Variants in MCM6 observed in about 807,000 individuals in gnomAD.
MCM6 encodes the protein DNA replication licensing factor MCM6.
In MCM6, 46 loss-of-function variants were observed where a neutral mutation model predicts 94.3. That is an observed-to-expected ratio of 0.49 (90% CI 0.39 to 0.62). MCM6 has a LOEUF of 0.62. MCM6 is among the 20% of genes least tolerant of loss of function. The pLI is 0.00. For synonymous variants in MCM6, 335 were observed against 351.9 expected, an observed-to-expected ratio of 0.95 and a Z score of 0.54; for missense variants, 865 against 1,017.9, an observed-to-expected ratio of 0.85 and a Z score of 2.04.
chr2:135,851,507 T>G lies in MCM6; in HGVS notation c.1812A>C (p.Arg604Ser). 1 of 1,613,438 alleles carries G rather than the reference T, an allele frequency of 6.2e-7. No individual in the cohort carries two copies. Among genetic ancestry groups the G allele is most frequent in the Non-Finnish European group, 8.5e-7 (1 of 1,179,780 alleles). The stretch of plus-strand genomic sequence containing the variant: ...AAGACTTGGTCACTCCAGAACCATC[T>G]CTCTGGCGGAGATGTTTATATTGCT... ...IVEQYKHLRQRDGSGVTKSSW... is the reference protein window; with the variant it reads ...IVEQYKHLRQSDGSGVTKSSW... The change falls in exon 13 of 17, where the codon AGA becomes AGC. Residue 604 changes from arginine (R) to serine (S), a missense_variant. Physicochemically the swap from Arg to Ser is moderately radical, Grantham distance 110 (BLOSUM62 -1). Coordinates refer to ENST00000264156, the MANE Select transcript of MCM6 (RefSeq NM_005915.6).
intron 13 of MCM6, among the ~76,000 whole-genome samples, chr2:135,849,192 C>T (rs573732635): frequency 9.2e-5 from 14 of 152,208 alleles, no homozygotes; most frequent in South Asian, 4.1e-4. Context: ...ATTTCTCTGG[C>T]GAATGAAATG....
At position 135,848,004 on chromosome 2, in the gene MCM6, A is replaced by G. The variant is rs180864520; in HGVS notation, c.2053+49T>C. On this transcript the variant is annotated intron_variant, in intron 14 of 16. Transcript: ENST00000264156. ...ACTTCTACCACATGACATCTCAGAAAATGTTTTGGTCCCTAACTCCAAAAC... is the reference window on the plus strand; with the variant it reads ...ACTTCTACCACATGACATCTCAGAAGATGTTTTGGTCCCTAACTCCAAAAC... The G allele has an allele frequency of 8.2e-5, 123 of 1,504,194 alleles. No individual in the cohort carries two copies. In the African/African-American group the frequency reaches 1.7e-3, roughly 20 times the overall value. 93.2% of individuals were successfully genotyped at this position (1,504,194 alleles called of 1,614,324 possible).
chr2:135,847,910 A>T lies in MCM6; in HGVS notation c.2053+143T>A, dbSNP rs1679701738. On this transcript the variant is annotated intron_variant, in intron 14 of 16. Transcript: ENST00000264156. Reference sequence around the variant, plus strand: ...TATTTAATTTCATTTTAACTTGTAAACAGTGAATAGAATTCAGTATCTGCT... The same window carrying T: ...TATTTAATTTCATTTTAACTTGTAATCAGTGAATAGAATTCAGTATCTGCT... The T allele has an allele frequency of 1.2e-5, 7 of 588,904 alleles. No homozygotes were observed. The South Asian group carries it at 1.9e-4, about 16-fold the overall frequency. 36.5% of individuals were successfully genotyped at this position (588,904 alleles called of 1,614,324 possible). A position where few individuals can be genotyped will look rare whatever the true frequency, so the allele number is the denominator to read the frequency against.
intron 2 of MCM6, 112 bp downstream of exon 2, chr2:135,872,585 T>C: frequency 8.8e-7 from 1 of 1,135,282 alleles, no homozygotes; most frequent in Non-Finnish European, 1.3e-6. Context: ...CAGTGGGAAA[T>C]AACTGTGAAA....
intron 11 of MCM6, among the ~76,000 whole-genome samples, chr2:135,856,272 G>A (rs4988216): frequency 1.2e-4 from 18 of 152,170 alleles, no homozygotes; most frequent in African/African-American, 3.9e-4. Context: ...GTGAGACCCT[G>A]TCTGTACTAA....
At chr2:135,854,973 G>T (rs1575361737) in intron 11 of MCM6, among the ~76,000 whole-genome samples, 1 of 151,968 alleles carries the variant, frequency 6.6e-6, no homozygotes, top group African/African-American at 2.4e-5. Context: ...TGGCCAACAT[G>T]GTGAAACCCT....
intron 8 of MCM6, among the ~76,000 whole-genome samples, chr2:135,860,857 A>G (rs937291098): frequency 2.9e-4 from 44 of 152,336 alleles, no homozygotes; most frequent in African/African-American, 1.1e-3. Context: ...TCTATTCAAC[A>G]TTATACTGAT....
chr2:135,871,097 T>G (rs2105592473), intron 2 of MCM6, among the ~76,000 whole-genome samples: 1 of 152,244 alleles, frequency 6.6e-6, no homozygotes, highest in South Asian at 2.1e-4. Flanking sequence ...ATTTGTGCAC[T>G]AATGTGAGAA....
At position 135,858,753 on chromosome 2, in the gene MCM6, C is replaced by T. The variant is rs4988203; in HGVS notation, c.1362+548G>A. 8.5e-3 allele frequency among the ~76,000 whole-genome samples: 1,299 copies of T among 152,292 alleles called. 94 individuals carry two copies. In the East Asian group the frequency reaches 0.18, roughly 21 times the overall value. Reference sequence around the variant, plus strand: ...GTGTCAACTCAGGATTGATTTTATACCTATAACTTATATACACATCTACCG... The same window carrying T: ...GTGTCAACTCAGGATTGATTTTATATCTATAACTTATATACACATCTACCG... On this transcript the variant is annotated intron_variant, in intron 9 of 16. Coordinates refer to ENST00000264156, the MANE Select transcript of MCM6 (RefSeq NM_005915.6).
chr2:135,849,232 G>T (rs1230803390), intron 13 of MCM6, among the ~76,000 whole-genome samples: 1 of 152,136 alleles, frequency 6.6e-6, no homozygotes, highest in Non-Finnish European at 1.5e-5. Flanking sequence ...GATAGAAGGG[G>T]GAGAAAGCAC....
intron 2 of MCM6, among the ~76,000 whole-genome samples, chr2:135,870,754 G>A (rs1680185685): frequency 6.6e-6 from 1 of 152,064 alleles, no homozygotes; most frequent in Non-Finnish European, 1.5e-5. Flanking sequence ...CAATTTCTTT[G>A]GTTTCATTCT....
intron 14 of MCM6, 59 bp from the exon 15 acceptor site, chr2:135,846,451 A>G (rs546459573): frequency 2.2e-6 from 3 of 1,390,192 alleles, no homozygotes; most frequent in Admixed American, 1.7e-5. Context: ...CCCCTTGTCA[A>G]GCATTTACAA....
At chr2:135,858,887 G>T (rs534436929) in intron 9 of MCM6, among the ~76,000 whole-genome samples, 169 of 151,748 alleles carry the variant, frequency 1.1e-3, no homozygotes, top group Non-Finnish European at 1.3e-3. Context: ...AGAATGCTGG[G>T]TTTTTTTTGT....
At chr2:135,867,468 C>A (rs1027592010) in intron 4 of MCM6, among the ~76,000 whole-genome samples, 3 of 151,978 alleles carry the variant, frequency 2.0e-5, no homozygotes, top group African/African-American at 7.3e-5. Context: ...TTATAAGCTA[C>A]CAGGTTAATG....
chr2:135,859,545 A>G (rs1679949145), intron 8 of MCM6, 103 bp from the exon 9 acceptor site: 1 of 725,952 alleles, frequency 1.4e-6, no homozygotes, highest in Non-Finnish European at 2.2e-6. Flanking sequence ...AACATTTGAG[A>G]GCTTAAGCAA....
intron 8 of MCM6, among the ~76,000 whole-genome samples, chr2:135,859,988 G>A (rs528339433): frequency 1.1e-4 from 16 of 152,120 alleles, no homozygotes; most frequent in Middle Eastern, 6.8e-3. Context: ...ATTTTTAGTA[G>A]AGATGGGGTT....
At chr2:135,849,351 T>C (rs1031807288) in intron 13 of MCM6, among the ~76,000 whole-genome samples, 1 of 152,200 alleles carries the variant, frequency 6.6e-6, no homozygotes, top group African/African-American at 2.4e-5. Context: ...GGTGAGTCCC[T>C]TGATGACCTA....
chr2:135,846,289 C>G lies in MCM6; in HGVS notation c.2157G>C (p.Glu719Asp), dbSNP rs1450829694. 1.2e-6 allele frequency: 2 copies of G among 1,614,128 alleles called. No individual in the cohort carries two copies. The highest frequency in any genetic ancestry group is 1.7e-6 in the Non-Finnish European group (2 of 1,180,016). ...CAATAAGGTTAGAGATTCGGCAGTA[C>G]TCAGAGAAGCCCAGCCTTAAGGAGG... ...PKASLRLGFS[E>D]YCRISNLIVL... The change falls in exon 15 of 17, where the codon GAG becomes GAC. Residue 719 changes from glutamate (E) to aspartate (D), a missense_variant. Physicochemically the swap from Glu to Asp is conservative, Grantham distance 45. Coordinates refer to ENST00000264156, the MANE Select transcript of MCM6 (RefSeq NM_005915.6).
chr2:135,876,010 A>G (rs867518928), intron 1 of MCM6, among the ~76,000 whole-genome samples: 4 of 152,240 alleles, frequency 2.6e-5, no homozygotes, highest in African/African-American at 7.2e-5. Context: ...AAGTGACAGA[A>G]GCAAAGCGCT....
Sources: gnomAD v4.1 joint callset for allele counts (sites outside exome capture counted in the v4.1 genomes callset) on GRCh38, gnomAD v4.1.1 for gene constraint, MANE v1.5 for transcripts, NCBI Gene and HGNC (gene_info 2026-07-23, HGNC 2026-07-21) for gene names.